Variants in KLHL29 observed in about 807,000 individuals in gnomAD.
The protein encoded by KLHL29 is kelch like family member 29.
KLHL29 carries 21 observed loss-of-function variants against 80.4 expected under a neutral mutation model. The ratio of observed to expected loss-of-function variants is 0.26; its 90% CI spans 0.19 to 0.38. The LOEUF (loss-of-function observed/expected upper bound fraction) is 0.38. KLHL29 is among the 10% of genes least tolerant of loss of function. The probability of loss-of-function intolerance (pLI) is 1.00; values close to 1 mark genes in which losing one functional copy is unlikely to be tolerated. For missense variants in KLHL29, 867 were observed against 1,223.9 expected (o/e 0.71, Z 4.35); for synonymous variants, 511 against 526.8 (o/e 0.97, Z 0.41).
chr2:23,565,123 G>A (rs950459590), intron 3 of KLHL29, among the ~76,000 whole-genome samples: 6 of 152,148 alleles, frequency 3.9e-5, no homozygotes, highest in Non-Finnish European at 5.9e-5. Flanking sequence ...GTGGTATTTC[G>A]AGTCTCATAT....
intron 2 of KLHL29, among the ~76,000 whole-genome samples, chr2:23,486,880 G>A (rs1043179864): frequency 6.6e-6 from 1 of 152,208 alleles, no homozygotes; most frequent in Non-Finnish European, 1.5e-5. Flanking sequence ...GCATGACTGA[G>A]TCTGTGAACC....
At position 23,673,875 on chromosome 2, in the gene KLHL29, TCAAA is replaced by T. The variant is rs574874561; in HGVS notation, c.941-10521_941-10518del. 1.3e-3 allele frequency among the ~76,000 whole-genome samples: 204 copies of T among 151,888 alleles called. No homozygotes were observed. The South Asian group carries it at 0.024, about 17-fold the overall frequency. ...CCACACCCTTGTACCCACCACATGC[TCAAA>T]CACACACGTAGATACACATGCATGC... is the stretch of plus-strand genomic sequence containing the variant. On this transcript the variant is annotated intron_variant, in intron 5 of 13. Transcript: ENST00000486442.
intron 3 of KLHL29, among the ~76,000 whole-genome samples, chr2:23,599,146 C>T (rs1004273802): frequency 6.6e-6 from 1 of 152,202 alleles, no homozygotes; most frequent in African/African-American, 2.4e-5. Flanking sequence ...AAGATAAATG[C>T]ATGTCCCGCA....
chr2:23,544,221 T>G (rs2103485233), intron 2 of KLHL29, among the ~76,000 whole-genome samples: 1 of 152,210 alleles, frequency 6.6e-6, no homozygotes, highest in East Asian at 1.9e-4. Context: ...TGATGTGGGA[T>G]TGCAGCGTGC....
At chr2:23,496,534 G>A (rs1665270475) in intron 2 of KLHL29, among the ~76,000 whole-genome samples, 1 of 152,124 alleles carries the variant, frequency 6.6e-6, no homozygotes, top group Middle Eastern at 3.2e-3. Flanking sequence ...CCCAAAAAGG[G>A]TACCCCGCCA....
At chr2:23,517,467 G>C (rs184528166) in intron 2 of KLHL29, among the ~76,000 whole-genome samples, 4 of 152,162 alleles carry the variant, frequency 2.6e-5, no homozygotes, top group Admixed American at 2.6e-4. Flanking sequence ...CGCTTGTACC[G>C]GGGAGGCAGA....
At position 23,457,538 on chromosome 2, in the gene KLHL29, TG is replaced by T. The variant is rs1664091153; in HGVS notation, c.-153-18017del. 6.6e-6 allele frequency among the ~76,000 whole-genome samples: 1 copy of T among 152,014 alleles called. No homozygotes were observed. The highest frequency in any genetic ancestry group is 2.1e-4 in the South Asian group (1 of 4,812). On this transcript the variant is annotated intron_variant, in intron 1 of 13. Transcript: ENST00000486442. This position sits in a 1 kb window ranked among gnomAD's most constrained non-coding sequence, Gnocchi z 4.3. ...ACCCGTCACCTTGTGTTCCCCGAGG[TG>T]GGGGTGCCTCTGGAATTCCCTGTTC...
At position 23,647,604 on chromosome 2, in the gene KLHL29, C is replaced by T. The variant is rs1443009898; in HGVS notation, c.940+4754C>T. On this transcript the variant is annotated intron_variant, in intron 5 of 13. Coordinates refer to ENST00000486442, the MANE Select transcript of KLHL29 (RefSeq NM_052920.2). The surrounding 1 kb of genome is among the most constrained non-coding windows in gnomAD (Gnocchi z 4.9). ...CTGGCCTGCACACTGGCCTCCCAGC[C>T]CACAGTGCATTCCTTCCAGTCTGGC... Among the ~76,000 whole-genome samples, 1 of 152,192 alleles carries T rather than the reference C, an allele frequency of 6.6e-6. No homozygotes were observed. The highest frequency in any genetic ancestry group is 2.4e-5 in the African/African-American group (1 of 41,454).
intron 2 of KLHL29, among the ~76,000 whole-genome samples, chr2:23,504,011 G>A (rs1305960664): frequency 6.6e-6 from 1 of 152,146 alleles, no homozygotes; most frequent in East Asian, 1.9e-4. Flanking sequence ...AGGTCCCTGA[G>A]GGCCAAGACA....
rs769012108 is a variant in KLHL29, at chr2:23,691,664, CTG to C, written c.1080-7_1080-6del. ...GCAGGAGGTAAGGACACCCTGGTCT[CTG>C]TGCCTAGGTCCGTGCAAGACAGCGG... On this transcript the variant is annotated splice_region_variant and splice_polypyrimidine_tract_variant and intron_variant, in intron 6 of 13. Coordinates refer to ENST00000486442, the MANE Select transcript of KLHL29 (RefSeq NM_052920.2). 6 of 1,551,484 alleles carry C rather than the reference CTG, an allele frequency of 3.9e-6. No individual in the cohort carries two copies. In the South Asian group the frequency reaches 7.1e-5, roughly 18 times the overall value.
intron 2 of KLHL29, among the ~76,000 whole-genome samples, chr2:23,511,072 T>C (rs1158034794): frequency 6.6e-6 from 1 of 152,124 alleles, no homozygotes; most frequent in Non-Finnish European, 1.5e-5. Flanking sequence ...TCCTGGAGCT[T>C]AGAAGTCCAA....
chr2:23,670,466 A>G (rs1489834146), intron 5 of KLHL29, among the ~76,000 whole-genome samples: 1 of 151,762 alleles, frequency 6.6e-6, no homozygotes, highest in Non-Finnish European at 1.5e-5. Flanking sequence ...GCAGTGTTCC[A>G]CCCTTGGCAG....
intron 1 of KLHL29, among the ~76,000 whole-genome samples, chr2:23,412,359 C>T (rs568156174): frequency 6.6e-6 from 1 of 152,278 alleles, no homozygotes; most frequent in African/African-American, 2.4e-5. Context: ...TTGACCAAGC[C>T]CTCACCAGCT....
intron 3 of KLHL29, among the ~76,000 whole-genome samples, chr2:23,592,140 G>A (rs1049474192): frequency 2.6e-5 from 4 of 152,228 alleles, no homozygotes; most frequent in African/African-American, 7.2e-5. Flanking sequence ...CCCTCTGGAG[G>A]GGCCCATCCT....
At chr2:23,512,317 T>G (rs546794146) in intron 2 of KLHL29, among the ~76,000 whole-genome samples, 1 of 152,116 alleles carries the variant, frequency 6.6e-6, no homozygotes, top group African/African-American at 2.4e-5. Context: ...TGGTGGCATA[T>G]CCCTGTAATC....
chr2:23,557,875 T>C (rs1231245637), intron 2 of KLHL29, among the ~76,000 whole-genome samples: 1 of 152,102 alleles, frequency 6.6e-6, no homozygotes, highest in Non-Finnish European at 1.5e-5. Flanking sequence ...AGGCTGTGCT[T>C]AGGTAACACA....
intron 5 of KLHL29, among the ~76,000 whole-genome samples, chr2:23,645,651 C>T (rs922367340): frequency 1.3e-4 from 20 of 152,166 alleles, no homozygotes; most frequent in African/African-American, 4.8e-4. Context: ...CCATGAAGAA[C>T]AGGTCTTGCC....
chr2:23,662,133 G>A (rs1330623491), intron 5 of KLHL29, among the ~76,000 whole-genome samples: 1 of 152,244 alleles, frequency 6.6e-6, no homozygotes, highest in East Asian at 1.9e-4. Flanking sequence ...CAGCAAGGGT[G>A]CAGAGGGGGC....
At chr2:23,614,820 G>T (rs1483121129) in intron 3 of KLHL29, among the ~76,000 whole-genome samples, 1 of 152,196 alleles carries the variant, frequency 6.6e-6, no homozygotes, top group Non-Finnish European at 1.5e-5. Flanking sequence ...GGGTGGGCTG[G>T]TGTGTTCAGG....
Sources: gnomAD v4.1 joint callset for allele counts (sites outside exome capture counted in the v4.1 genomes callset) on GRCh38, gnomAD v4.1.1 for gene constraint, Gnocchi (gnomAD v3.1) non-coding constraint, MANE v1.5 for transcripts, NCBI Gene and HGNC (gene_info 2026-07-23, HGNC 2026-07-21) for gene names.